XKR4: variants seen among roughly 807,000 people sequenced by gnomAD.
XKR4 encodes XK-related protein 4.
In XKR4, 12 loss-of-function variants were observed where a neutral mutation model predicts 53.9. That is an observed-to-expected ratio of 0.22 (90% CI 0.14 to 0.36). XKR4 has a LOEUF of 0.36. Ranked by LOEUF, XKR4 falls within the 10% of genes least tolerant of loss-of-function variation. XKR4 has a pLI of 1.00. For synonymous variants in XKR4, 354 were observed against 362.4 expected (o/e 0.98, Z 0.26); for missense variants, 799 against 859.5 (o/e 0.93, Z 0.88).
At chr8:55,450,723 C>T (rs1302099512) in intron 2 of XKR4, 2 of 584,362 alleles carry the variant, frequency 3.4e-6, no homozygotes, top group Admixed American at 2.1e-5. Context: ...GACTGAAGGA[C>T]AGCCACTCCT....
intron 1 of XKR4, among the ~76,000 whole-genome samples, chr8:55,125,995 T>G (rs1373992165): frequency 6.6e-6 from 1 of 152,218 alleles, no homozygotes; most frequent in East Asian, 1.9e-4. Context: ...TGGAGAATTT[T>G]GTATTCCTTT....
At chr8:55,132,759 G>A (rs901425577) in intron 1 of XKR4, among the ~76,000 whole-genome samples, 1 of 152,122 alleles carries the variant, frequency 6.6e-6, no homozygotes, top group African/African-American at 2.4e-5. Context: ...GGAAAGCCTG[G>A]GTGTAAAGGA....
intron 1 of XKR4, among the ~76,000 whole-genome samples, chr8:55,352,340 G>A (rs1477667819): frequency 6.6e-6 from 1 of 152,252 alleles, no homozygotes; most frequent in Non-Finnish European, 1.5e-5. Flanking sequence ...GGAGCAGGGA[G>A]TGTTTCAATG....
At chr8:55,353,288 T>C (rs754693643) in intron 1 of XKR4, among the ~76,000 whole-genome samples, 4 of 152,194 alleles carry the variant, frequency 2.6e-5, no homozygotes, top group South Asian at 4.1e-4. Context: ...ATGAGATCAT[T>C]GGGGTGACTC....
chr8:55,461,715 T>C (rs1805661011), intron 2 of XKR4, among the ~76,000 whole-genome samples: 1 of 152,136 alleles, frequency 6.6e-6, no homozygotes, highest in Non-Finnish European at 1.5e-5. Context: ...GCAAATAAGT[T>C]AAAAACTTTG....
intron 1 of XKR4, among the ~76,000 whole-genome samples, chr8:55,210,733 C>G (rs35539655): frequency 0.16 from 24,894 of 152,082 alleles, 2,411 homozygotes; most frequent in Non-Finnish European, 0.22. Flanking sequence ...GAAAGAAAGA[C>G]AATAGCTCTT....
intron 2 of XKR4, among the ~76,000 whole-genome samples, chr8:55,432,184 T>A (rs965439271): frequency 6.6e-6 from 1 of 152,176 alleles, no homozygotes; most frequent in African/African-American, 2.4e-5. Context: ...AGGAGGGTTA[T>A]TCACTGTTGC....
chr8:55,285,000 C>G (rs201025677), intron 1 of XKR4, among the ~76,000 whole-genome samples: 1 of 152,218 alleles, frequency 6.6e-6, no homozygotes, highest in Non-Finnish European at 1.5e-5. Flanking sequence ...CCCAAACGCT[C>G]AGGCTCTTTT....
Position 55,357,775 on chromosome 8 carries a change from G to C in XKR4, c.904G>C (p.Val302Leu). The change falls in exon 2 of 3, where the codon GTG becomes CTG. Residue 302 changes from valine (V) to leucine (L), a missense_variant. By Grantham distance (32) the Val-to-Leu change is conservative. This residue lies in a region of XKR4 where 476 missense variants were observed against 505.4 expected (regional missense o/e 0.94). Coordinates refer to ENST00000327381, the MANE Select transcript of XKR4 (RefSeq NM_052898.2). ...YWKMVYEYAD[V>L]SMLHLLATFL... ...GAAAATGGTATATGAGTATGCGGAT[G>C]TGAGTATGCTGCATTTGCTAGCCAC... 2.5e-6 allele frequency: 4 copies of C among 1,614,210 alleles called. No homozygotes were observed. Among genetic ancestry groups the C allele is most frequent in the Non-Finnish European group, 3.4e-6 (4 of 1,180,022 alleles).
intron 1 of XKR4, among the ~76,000 whole-genome samples, chr8:55,282,917 T>C (rs753020164): frequency 2.2e-4 from 34 of 152,226 alleles, no homozygotes; most frequent in Non-Finnish European, 3.8e-4. Flanking sequence ...ATGTATGATA[T>C]ATAAGCATAC....
intron 2 of XKR4, among the ~76,000 whole-genome samples, chr8:55,440,319 T>G (rs918744130): frequency 6.6e-6 from 1 of 152,170 alleles, no homozygotes; most frequent in Non-Finnish European, 1.5e-5. Flanking sequence ...GAGAGAAGAT[T>G]ACTGTGTAGG....
At chr8:55,404,817 GCCAAGGCATTCA>G (rs2129390379) in intron 2 of XKR4, among the ~76,000 whole-genome samples, 1 of 152,290 alleles carries the variant, frequency 6.6e-6, no homozygotes, top group Admixed American at 6.5e-5. Flanking sequence ...AGTAACTCTT[GCCAAGGCATTCA>G]CCTGTCCATC....
intron 1 of XKR4, among the ~76,000 whole-genome samples, chr8:55,143,096 A>T (rs1193022197): frequency 6.6e-6 from 1 of 152,116 alleles, no homozygotes; most frequent in Non-Finnish European, 1.5e-5. Flanking sequence ...GTACGTTGTT[A>T]TGGTTCACTT....
intron 2 of XKR4, among the ~76,000 whole-genome samples, chr8:55,429,134 G>A (rs1192124115): frequency 6.6e-6 from 1 of 152,120 alleles, no homozygotes; most frequent in Non-Finnish European, 1.5e-5. Flanking sequence ...ATATCAAACT[G>A]ATGTTTTGTG....
chr8:55,217,879 A>G (rs1817827750), intron 1 of XKR4, among the ~76,000 whole-genome samples: 1 of 152,222 alleles, frequency 6.6e-6, no homozygotes, highest in Admixed American at 6.5e-5. Flanking sequence ...CTAATGGGGG[A>G]AAAAGTAAGA....
At chr8:55,402,087 T>C (rs767552818) in intron 2 of XKR4, among the ~76,000 whole-genome samples, 3 of 152,234 alleles carry the variant, frequency 2.0e-5, no homozygotes, top group Non-Finnish European at 4.4e-5. Context: ...TCTGTTGCAA[T>C]AGCAGTAGGT....
intron 2 of XKR4, among the ~76,000 whole-genome samples, chr8:55,463,255 C>A (rs577926155): frequency 1.2e-3 from 183 of 152,266 alleles, no homozygotes; most frequent in Admixed American, 3.3e-3. Context: ...TGTAAAAGAA[C>A]ACAAATTATA....
chr8:55,150,668 A>T (rs1328765286), intron 1 of XKR4, among the ~76,000 whole-genome samples: 2 of 151,802 alleles, frequency 1.3e-5, no homozygotes, highest in Non-Finnish European at 2.9e-5. Flanking sequence ...TTACCAGACA[A>T]TTTTTTTTGT....
intron 2 of XKR4, among the ~76,000 whole-genome samples, chr8:55,519,404 A>G (rs1032626551): frequency 1.3e-5 from 2 of 152,222 alleles, no homozygotes; most frequent in East Asian, 3.8e-4. Context: ...ACATTGTTCA[A>G]TGTCACTTAT....
Sources: allele counts gnomAD v4.1 joint callset (sites outside exome capture counted in the v4.1 genomes callset), GRCh38; gene constraint gnomAD v4.1.1; regional missense constraint gnomAD v4.1.1; transcripts MANE v1.5; gene names NCBI Gene and HGNC (gene_info 2026-07-23, HGNC 2026-07-21).